Variants in SLIT1 observed in about 807,000 individuals in gnomAD.
SLIT1 encodes the protein slit guidance ligand 1, also known as slit homolog 1 protein.
SLIT1 carries 66 observed loss-of-function variants against 186.1 expected under a neutral mutation model. The ratio of observed to expected loss-of-function variants is 0.35; its 90% CI spans 0.29 to 0.44. The LOEUF (loss-of-function observed/expected upper bound fraction) is 0.44, where lower values mean the gene tolerates loss of function less well. Ranked by LOEUF, SLIT1 falls within the 20% of genes least tolerant of loss-of-function variation. The pLI is 1.00. For synonymous variants in SLIT1, 761 were observed against 833.8 expected, an observed-to-expected ratio of 0.91 and a Z score of 1.50; for missense variants, 1,638 against 2,037.4, an observed-to-expected ratio of 0.80 and a Z score of 3.77.
chr10:97,122,581 C>G (rs901547530), intron 4 of SLIT1, among the ~76,000 whole-genome samples: 1 of 152,162 alleles, frequency 6.6e-6, no homozygotes, highest in Non-Finnish European at 1.5e-5. Context: ...GTGTGTTACA[C>G]AAGTGCATGT....
intron 4 of SLIT1, among the ~76,000 whole-genome samples, chr10:97,073,541 A>T (rs778893257): frequency 3.9e-5 from 6 of 152,206 alleles, no homozygotes; most frequent in Non-Finnish European, 8.8e-5. Context: ...CGAGGGCACC[A>T]TGACAGATCC....
In SLIT1 at chr10:97,129,836, G is replaced by A. The variant is rs79339384; in HGVS notation, c.413+27982C>T. 9.8e-4 allele frequency among the ~76,000 whole-genome samples: 148 copies of A among 151,754 alleles called. 2 individuals carry two copies. In the East Asian group the frequency reaches 0.023, roughly 24 times the overall value. Reference sequence around the variant, plus strand: ...GCCCTGTTCCCCCAACCCCACCCACGTTTGCTGCTGATGGAGCCTTCACAG... The same window carrying A: ...GCCCTGTTCCCCCAACCCCACCCACATTTGCTGCTGATGGAGCCTTCACAG... On this transcript the variant is annotated intron_variant, in intron 4 of 36. Transcript: ENST00000266058.
intron 31 of SLIT1, among the ~76,000 whole-genome samples, chr10:97,008,632 G>A (rs984668048): frequency 2.5e-4 from 38 of 150,928 alleles, no homozygotes; most frequent in African/African-American, 9.0e-4. Flanking sequence ...GGAGGTGGAG[G>A]TTGCAGTGAG....
intron 4 of SLIT1, among the ~76,000 whole-genome samples, chr10:97,074,258 A>G (rs1849025967): frequency 6.6e-6 from 1 of 152,146 alleles, no homozygotes; most frequent in Admixed American, 6.5e-5. Flanking sequence ...TAGCTGAATG[A>G]ACTAAAATGG....
chr10:97,064,950 G>A (rs763802905), intron 5 of SLIT1, 74 bp from the exon 6 acceptor site: 34 of 1,172,958 alleles, frequency 2.9e-5, no homozygotes, highest in African/African-American at 1.7e-4. Context: ...TTCTGACCGC[G>A]TGCTCCATTC....
intron 25 of SLIT1, among the ~76,000 whole-genome samples, chr10:97,024,029 G>C (rs1848523986): frequency 6.6e-6 from 1 of 152,190 alleles, no homozygotes; most frequent in African/African-American, 2.4e-5. Flanking sequence ...AGAGTTCTCT[G>C]ACTCAGCAAA....
intron 4 of SLIT1, among the ~76,000 whole-genome samples, chr10:97,085,472 CT>C (rs1271569066): frequency 2.6e-5 from 4 of 152,054 alleles, no homozygotes; most frequent in Non-Finnish European, 5.9e-5. Context: ...ACTGCAACCT[CT>C]GCCCCCCAGG....
chr10:97,091,116 G>A (rs1346898109), intron 4 of SLIT1, among the ~76,000 whole-genome samples: 1 of 152,256 alleles, frequency 6.6e-6, no homozygotes, highest in Middle Eastern at 3.2e-3. Flanking sequence ...TCCCCATACT[G>A]AGAATTTGCC....
Position 97,063,581 on chromosome 10 carries a change from G to C in SLIT1, c.667C>G (p.Leu223Val). The change falls in exon 8 of 37, where the codon CTG becomes GTG. Residue 223 changes from leucine to valine, a missense_variant. This residue lies in a region of SLIT1 where 1,245 missense variants were observed against 1,535.3 expected (regional missense o/e 0.81). Coordinates refer to ENST00000266058, the MANE Select transcript of SLIT1 (RefSeq NM_003061.3). Reference protein sequence around the residue: ...HSNHLFCDCHLAWLSQWLRQR... With the variant: ...HSNHLFCDCHVAWLSQWLRQR... ...CTCAGCCACTGCGAGAGCCAGGCCA[G>C]GTGGCAGTCGCAAAACAGGTGGTTG... 6.2e-7 allele frequency: 1 copy of C among 1,612,846 alleles called. No individual in the cohort carries two copies. The highest frequency in any genetic ancestry group is 8.5e-7 in the Non-Finnish European group (1 of 1,179,538).
chr10:97,015,510 C>A (rs1342586403), intron 28 of SLIT1, among the ~76,000 whole-genome samples: 1 of 152,206 alleles, frequency 6.6e-6, no homozygotes, highest in African/African-American at 2.4e-5. Flanking sequence ...AGTTTATTTA[C>A]ATGAACAAAC....
At chr10:97,042,777 A>C in intron 20 of SLIT1, 124 bp downstream of exon 20, 1 of 1,008,696 alleles carries the variant, frequency 9.9e-7, no homozygotes, top group Non-Finnish European at 1.5e-6. Context: ...CTCCCCACCT[A>C]ACCTCTCCTC....
intron 22 of SLIT1, 122 bp downstream of exon 22, chr10:97,037,576 A>C: frequency 2.8e-6 from 2 of 724,874 alleles, no homozygotes; most frequent in Non-Finnish European, 4.8e-6. Context: ...AGAGGGGAGC[A>C]GGGAAAGGAA....
At chr10:97,085,530 G>A (rs1279538428) in intron 4 of SLIT1, among the ~76,000 whole-genome samples, 1 of 152,088 alleles carries the variant, frequency 6.6e-6, no homozygotes, top group Non-Finnish European at 1.5e-5. Flanking sequence ...TGGGATTACA[G>A]GCGCATGCCA....
At chr10:97,034,435 C>A (rs768883489) in intron 23 of SLIT1, 36 bp downstream of exon 23, 2 of 1,549,168 alleles carry the variant, frequency 1.3e-6, no homozygotes, top group South Asian at 2.2e-5. Context: ...CAGCCATGGC[C>A]CCGGGGCCCC....
intron 25 of SLIT1, among the ~76,000 whole-genome samples, chr10:97,029,059 C>T (rs951081369): frequency 1.4e-4 from 21 of 152,174 alleles, no homozygotes; most frequent in African/African-American, 4.6e-4. Context: ...GGAGCTGGCT[C>T]ATAACATAAA....
chr10:97,018,004 A>G (rs1156386469), intron 28 of SLIT1, among the ~76,000 whole-genome samples: 1 of 151,770 alleles, frequency 6.6e-6, no homozygotes, highest in African/African-American at 2.4e-5. Flanking sequence ...GCGTGCCACC[A>G]CACCCAGCTA....
rs375786934 is a variant in SLIT1 at position 97,043,465 on chromosome 10, C to A, written c.1902G>T (p.Thr634=). 3.1e-6 allele frequency: 5 copies of A among 1,613,782 alleles called. No homozygotes were observed. The highest frequency in any genetic ancestry group is 4.2e-6 in the Non-Finnish European group (5 of 1,179,996). ...AGAGGAGCCGGACGTTGCGCAGGCC[C>A]GTGAAGCTGTCGTTGTGGATGCAGC... ...RISCIHNDSF[T]GLRNVRLLSL... Residue 634 remains threonine (T), a synonymous_variant, in exon 19 of 37, where the codon ACG becomes ACT. Coordinates refer to ENST00000266058, the MANE Select transcript of SLIT1 (RefSeq NM_003061.3). This position sits in a 1 kb window ranked among gnomAD's most constrained non-coding sequence, Gnocchi z 7.0.
chr10:97,029,771 T>A (rs1170032530), intron 25 of SLIT1, among the ~76,000 whole-genome samples: 1 of 152,210 alleles, frequency 6.6e-6, no homozygotes, highest in African/African-American at 2.4e-5. Flanking sequence ...CTGTGCTCAT[T>A]AAACACCAAC....
rs199925095 is a variant in SLIT1, at chr10:97,046,745, C to A, written c.1762G>T (p.Ala588Ser). Residue 588 changes from alanine (A) to serine (S), a missense_variant, in exon 18 of 37, where the codon GCA becomes TCA. Around this residue, in one of 3 missense-constraint regions of SLIT1, gnomAD observed 1,245 missense variants for 1,535.3 expected, o/e 0.81. Coordinates refer to ENST00000266058, the MANE Select transcript of SLIT1 (RefSeq NM_003061.3). ...AGGTGCAGCTCGCTCACAGAGGCTG[C>A]GCCCTCGAAGGCCCCATCTTCAATT... ...SEIEDGAFEG[A>S]ASVSELHLTA... 1 of 1,612,378 alleles carries A rather than the reference C, an allele frequency of 6.2e-7. No homozygotes were observed. The highest frequency in any genetic ancestry group is 8.5e-7 in the Non-Finnish European group (1 of 1,180,014).
Sources: gnomAD v4.1 joint callset for allele counts (sites outside exome capture counted in the v4.1 genomes callset) on GRCh38, gnomAD v4.1.1 for gene constraint, gnomAD v4.1.1 regional missense constraint, Gnocchi (gnomAD v3.1) non-coding constraint, MANE v1.5 for transcripts, NCBI Gene and HGNC (gene_info 2026-07-23, HGNC 2026-07-21) for gene names.